SPATA17: variants seen among roughly 807,000 people sequenced by gnomAD.
SPATA17 encodes spermatogenesis-associated protein 17.
In SPATA17, 53 loss-of-function variants were observed where a neutral mutation model predicts 62.2. That is an observed-to-expected ratio of 0.85 (90% CI 0.68 to 1.07). The LOEUF (loss-of-function observed/expected upper bound fraction) is 1.07. Among genes scored for constraint, SPATA17 ranks in the 50% least tolerant of loss-of-function variants. The pLI, the probability that SPATA17 is intolerant of heterozygous loss-of-function variation, is 0.00. For missense variants in SPATA17, 466 were observed against 425.5 expected (o/e 1.10, Z -0.84); for synonymous variants, 146 against 146.8 (o/e 0.99, Z 0.04).
chr1:217,758,815 A>G (rs943402979), intron 6 of SPATA17, among the ~76,000 whole-genome samples: 1 of 152,200 alleles, frequency 6.6e-6, no homozygotes, highest in Admixed American at 6.5e-5. Flanking sequence ...TAACAAGAAT[A>G]AGAATATGAG....
intron 5 of SPATA17, among the ~76,000 whole-genome samples, chr1:217,728,392 TA>T (rs2102939499): frequency 6.6e-6 from 1 of 152,284 alleles, no homozygotes; most frequent in South Asian, 2.1e-4. Flanking sequence ...ATACAAATAT[TA>T]GTATAGATGT....
At chr1:217,708,586 C>A (rs1484704995) in intron 5 of SPATA17, among the ~76,000 whole-genome samples, 2 of 151,950 alleles carry the variant, frequency 1.3e-5, no homozygotes, top group African/African-American at 4.8e-5. Flanking sequence ...GAAAAAGCCC[C>A]AAACCAGACA....
intron 3 of SPATA17, among the ~76,000 whole-genome samples, chr1:217,654,185 T>G (rs1479202082): frequency 6.6e-6 from 1 of 151,716 alleles, no homozygotes; most frequent in Admixed American, 6.6e-5. Context: ...TTGTCCAGAC[T>G]GGAGTGCACT....
chr1:217,834,823 A>G (rs995864539), intron 9 of SPATA17, among the ~76,000 whole-genome samples: 7 of 152,206 alleles, frequency 4.6e-5, no homozygotes, highest in Admixed American at 3.9e-4. Flanking sequence ...CTAGGCCTTC[A>G]CATTCACTTA....
At chr1:217,717,825 A>C (rs571237470) in intron 5 of SPATA17, among the ~76,000 whole-genome samples, 1 of 152,290 alleles carries the variant, frequency 6.6e-6, no homozygotes, top group South Asian at 2.1e-4. Flanking sequence ...GAGGTTGCCA[A>C]TCTGTGAGCA....
At chr1:217,744,180 C>CACAAACCTGACTAAAACACTT (rs1672694845) in intron 6 of SPATA17, among the ~76,000 whole-genome samples, 3 of 117,030 alleles carry the variant, frequency 2.6e-5, no homozygotes, top group Admixed American at 1.6e-4. Flanking sequence ...AAAGAATTTT[C>CACAAACCTGACTAAAACACTT]GGCCGGGCGC....
At position 217,801,828 on chromosome 1, in the gene SPATA17, C is replaced by A. The variant is rs373159228; in HGVS notation, c.983C>A (p.Pro328His). 1 of 1,608,180 alleles carries A rather than the reference C, an allele frequency of 6.2e-7. No homozygotes were observed. The highest frequency in any genetic ancestry group is 2.2e-5 in the East Asian group (1 of 44,618). Residue 328 changes from proline to histidine, a missense_variant, in exon 9 of 11, where the codon CCT becomes CAT. Coordinates refer to ENST00000366933, the MANE Select transcript of SPATA17 (RefSeq NM_138796.4). ...AAAGAACAATTCCGAAGTGAAAATC[C>A]TAAGAAATGGATCTGTGACAAGGTG... ...SYKEQFRSEN[P>H]KKWICDKDFQ...
chr1:217,725,520 T>C (rs1450595761), intron 5 of SPATA17, among the ~76,000 whole-genome samples: 1 of 152,234 alleles, frequency 6.6e-6, no homozygotes, highest in Non-Finnish European at 1.5e-5. Context: ...TAGAATGCAG[T>C]GGCAAGATCT....
intron 3 of SPATA17, among the ~76,000 whole-genome samples, chr1:217,663,723 A>C (rs1177548011): frequency 1.3e-5 from 2 of 152,152 alleles, no homozygotes; most frequent in Non-Finnish European, 2.9e-5. Context: ...AAATGATGCC[A>C]GTTGATCTCA....
At chr1:217,757,661 A>C (rs531159124) in intron 6 of SPATA17, among the ~76,000 whole-genome samples, 2 of 152,292 alleles carry the variant, frequency 1.3e-5, no homozygotes, top group Non-Finnish European at 2.9e-5. Context: ...AGGTTAGAGG[A>C]GAGTTTTAGA....
Position 217,633,157 on chromosome 1 carries a change from T to C in SPATA17, c.68+1711T>C, listed in dbSNP as rs371736276. Among the ~76,000 whole-genome samples the C allele has an allele frequency of 5.9e-5, 9 of 151,912 alleles. No individual in the cohort carries two copies. The East Asian group carries it at 1.5e-3, about 26-fold the overall frequency. On this transcript the variant is annotated intron_variant, in intron 1 of 10. Coordinates refer to ENST00000366933, the MANE Select transcript of SPATA17 (RefSeq NM_138796.4). Reference sequence around the variant, plus strand: ...AGGTTGTAGTGAGCCGAGATCGCAATACTGCACTCCAGCCTGGGCGACAGA... The same window carrying C: ...AGGTTGTAGTGAGCCGAGATCGCAACACTGCACTCCAGCCTGGGCGACAGA...
At chr1:217,828,284 G>C (rs973923634) in intron 9 of SPATA17, among the ~76,000 whole-genome samples, 1 of 151,770 alleles carries the variant, frequency 6.6e-6, no homozygotes, top group South Asian at 2.1e-4. Flanking sequence ...AACATATGTG[G>C]TCAACTAATT....
At chr1:217,717,610 AAAT>A (rs1220258876) in intron 5 of SPATA17, among the ~76,000 whole-genome samples, 2 of 152,146 alleles carry the variant, frequency 1.3e-5, no homozygotes, top group Non-Finnish European at 2.9e-5. Context: ...CTCTATCTCA[AAAT>A]AATAATAATA....
intron 9 of SPATA17, among the ~76,000 whole-genome samples, chr1:217,809,616 A>G (rs1571819993): frequency 6.6e-6 from 1 of 152,172 alleles, no homozygotes; most frequent in Admixed American, 6.5e-5. Context: ...ATCCATCCTC[A>G]TAAGAATCTA....
Position 217,669,048 on chromosome 1 carries a change from AT to A in SPATA17, c.257del (p.Met86ArgfsTer2). ...QLTVQVAYYT[M>X]MMNLYNAMAV... ...TGATTCACAGGTAGCATATTATACT[AT>A]GATGATGAATCTCTACAATGCAATG... On this transcript the variant is annotated frameshift_variant, in exon 4 of 11. Transcript: ENST00000366933. LOFTEE classifies it high-confidence loss of function. 6.2e-7 allele frequency: 1 copy of A among 1,611,854 alleles called. No individual in the cohort carries two copies. Among genetic ancestry groups the A allele is most frequent in the South Asian group, 1.1e-5 (1 of 90,640 alleles).
intron 5 of SPATA17, among the ~76,000 whole-genome samples, chr1:217,737,435 T>C (rs952265239): frequency 6.6e-6 from 1 of 152,040 alleles, no homozygotes; most frequent in African/African-American, 2.4e-5. Context: ...GTGCATGAGA[T>C]TTATTGGGGA....
intron 5 of SPATA17, among the ~76,000 whole-genome samples, chr1:217,719,799 A>C (rs1672083772): frequency 6.6e-6 from 1 of 152,210 alleles, no homozygotes; most frequent in South Asian, 2.1e-4. Context: ...AGCCTCTCCC[A>C]ACCCATAAAC....
At chr1:217,754,810 A>G (rs1449123722) in intron 6 of SPATA17, among the ~76,000 whole-genome samples, 2 of 151,764 alleles carry the variant, frequency 1.3e-5, no homozygotes, top group Non-Finnish European at 2.9e-5. Context: ...TACCCTCCCT[A>G]CTCTGTGCAC....
chr1:217,717,415 G>A (rs1289543174), intron 5 of SPATA17, among the ~76,000 whole-genome samples: 1 of 152,044 alleles, frequency 6.6e-6, no homozygotes, highest in African/African-American at 2.4e-5. Flanking sequence ...TTCAAAACCA[G>A]CCTGGACAAC....
Sources: allele counts gnomAD v4.1 joint callset (sites outside exome capture counted in the v4.1 genomes callset), GRCh38; gene constraint gnomAD v4.1.1; transcripts MANE v1.5; gene names NCBI Gene and HGNC (gene_info 2026-07-23, HGNC 2026-07-21).